Variants in DNAH3 observed in about 807,000 individuals in gnomAD.
DNAH3 encodes axonemal beta dynein heavy chain 3.
Under a neutral mutation model 432.5 loss-of-function variants are expected in DNAH3, and 332 were observed. The ratio of observed to expected loss-of-function variants is 0.77; its 90% CI spans 0.70 to 0.84. The LOEUF is 0.84. Ranked by LOEUF, DNAH3 falls within the 40% of genes least tolerant of loss-of-function variation. The probability of loss-of-function intolerance (pLI) is 0.00; values close to 1 mark genes in which losing one functional copy is unlikely to be tolerated. For synonymous variants in DNAH3, 1,956 were observed against 1,900.2 expected, an observed-to-expected ratio of 1.03 and a Z score of -0.76; for missense variants, 4,861 against 5,114.0, an observed-to-expected ratio of 0.95 and a Z score of 1.51.
chr16:21,053,350 TAG>T (rs1219978254), intron 28 of DNAH3, among the ~76,000 whole-genome samples: 2 of 152,122 alleles, frequency 1.3e-5, no homozygotes, highest in Admixed American at 6.6e-5. Flanking sequence ...GAAGAGGGTA[TAG>T]GGCAGGAGTA....
chr16:20,982,952 G>A (rs757501370), intron 48 of DNAH3, 66 bp from the exon 49 acceptor site: 11 of 1,584,062 alleles, frequency 6.9e-6, no homozygotes, highest in South Asian at 4.5e-5. Context: ...AGGCAGGCGG[G>A]TATTCCCAAG....
At chr16:21,085,621 T>C (rs1429139128) in intron 19 of DNAH3, among the ~76,000 whole-genome samples, 1 of 151,938 alleles carries the variant, frequency 6.6e-6, no homozygotes, top group Non-Finnish European at 1.5e-5. Context: ...AGGTCTCCAG[T>C]TCAAGACTTT....
rs114995565 is a variant in DNAH3 at position 21,152,314 on chromosome 16, A to T, written c.118-6226T>A. 2.8e-3 allele frequency among the ~76,000 whole-genome samples: 422 copies of T among 152,352 alleles called. 1 individual carries two copies. The highest frequency in any genetic ancestry group is 9.8e-3 in the African/African-American group (406 of 41,582). On this transcript the variant is annotated intron_variant, in intron 1 of 61. Transcript: ENST00000261383. ...CTTGACTCATAAGTAGCACTGATACAATTGGAACCTGTCCTGATGACCCCG... is the reference window on the plus strand; with the variant it reads ...CTTGACTCATAAGTAGCACTGATACTATTGGAACCTGTCCTGATGACCCCG...
At chr16:21,067,776 G>GGAGGGAGAGGGAGA (rs374291201) in intron 23 of DNAH3, among the ~76,000 whole-genome samples, 1 of 40,878 alleles carries the variant, frequency 2.4e-5, no homozygotes, top group Non-Finnish European at 4.2e-5. Context: ...GGGTGGGGAG[G>GGAGGGAGAGGGAGA]GAGAGAGAGA....
At chr16:21,088,211 A>T (rs939861028) in intron 18 of DNAH3, among the ~76,000 whole-genome samples, 3 of 152,212 alleles carry the variant, frequency 2.0e-5, no homozygotes, top group Non-Finnish European at 4.4e-5. Context: ...ATTAAAAAAA[A>T]GTATCCTTCA....
intron 44 of DNAH3, chr16:20,997,034 T>C (rs2086790870): frequency 2.3e-6 from 1 of 434,072 alleles, no homozygotes; most frequent in East Asian, 3.8e-5. Context: ...CACTGAACTC[T>C]CCTTTTCCTA....
chr16:21,058,815 C>G (rs2090231774), intron 26 of DNAH3, among the ~76,000 whole-genome samples: 5 of 150,124 alleles, frequency 3.3e-5, no homozygotes, highest in Admixed American at 2.7e-4. Flanking sequence ...AGGAGGAGAA[C>G]ATCACACACT....
At chr16:21,006,962 T>C (rs2087336353) in intron 41 of DNAH3, among the ~76,000 whole-genome samples, 1 of 152,196 alleles carries the variant, frequency 6.6e-6, no homozygotes, top group Admixed American at 6.5e-5. Context: ...TAAATTGGAT[T>C]GTGTTTAACT....
At chr16:21,148,773 G>C (rs1021800344) in intron 1 of DNAH3, among the ~76,000 whole-genome samples, 1 of 152,144 alleles carries the variant, frequency 6.6e-6, no homozygotes, top group Non-Finnish European at 1.5e-5. Flanking sequence ...CTGTCGATCA[G>C]GAACACATGG....
chr16:21,092,429 A>T (rs1264654213), intron 18 of DNAH3, among the ~76,000 whole-genome samples: 1 of 152,084 alleles, frequency 6.6e-6, no homozygotes, highest in Non-Finnish European at 1.5e-5. Context: ...ACACACAAAA[A>T]AAGAATCTAG....
intron 20 of DNAH3, among the ~76,000 whole-genome samples, chr16:21,078,941 C>A (rs1166862100): frequency 6.6e-6 from 1 of 152,208 alleles, no homozygotes; most frequent in Non-Finnish European, 1.5e-5. Flanking sequence ...TCTCCTAATC[C>A]TAACTCTAAT....
chr16:21,054,750 C>T (rs1472378674), intron 27 of DNAH3, among the ~76,000 whole-genome samples: 1 of 152,160 alleles, frequency 6.6e-6, no homozygotes, highest in Non-Finnish European at 1.5e-5. Context: ...TTTCATACTG[C>T]ATGATTTTAT....
exon 1 of DNAH3, chr16:21,159,348 C>T (rs759657387): frequency 6.2e-7 from 1 of 1,614,154 alleles, no homozygotes; most frequent in Non-Finnish European, 8.5e-7. Context: ...CCTTCCTCCT[C>T]TCCTTGGGTC....
chr16:20,955,080 G>A (rs374757918), intron 54 of DNAH3, 23 bp from the exon 55 acceptor site: 32 of 1,571,586 alleles, frequency 2.0e-5, no homozygotes, highest in Middle Eastern at 1.7e-4. Context: ...TGGACCCAAC[G>A]TTTTAGAGCA....
At chr16:21,064,119 A>G (rs373180278) in intron 24 of DNAH3, among the ~76,000 whole-genome samples, 2 of 152,210 alleles carry the variant, frequency 1.3e-5, no homozygotes, top group Admixed American at 1.3e-4. Flanking sequence ...TGCTTTGGCT[A>G]ATAGAATGTA....
Position 21,067,267 on chromosome 16 carries a change from G to T in DNAH3, c.3518+16C>A. 1 of 1,613,522 alleles carries T rather than the reference G, an allele frequency of 6.2e-7. No homozygotes were observed. Among genetic ancestry groups the T allele is most frequent in the Non-Finnish European group, 8.5e-7 (1 of 1,179,626 alleles). On this transcript the variant is annotated intron_variant, in intron 24 of 61. Coordinates refer to ENST00000261383, the Ensembl canonical transcript of DNAH3. ...GGCAAGAATGTAATTCCAAATAAAA[G>T]AACAATGCTGGATACCTGGGGAAGA...
At chr16:21,060,526 C>CTTTTTTTTTTTTTTTTTTTTTTT (rs375746116) in intron 25 of DNAH3, among the ~76,000 whole-genome samples, 170 bp from the exon 26 acceptor site, 1 of 93,414 alleles carries the variant, frequency 1.1e-5, no homozygotes, top group Admixed American at 1.4e-4. Context: ...TTTTTTTTTT[C>CTTTTTTTTTTTTTTTTTTTTTTT]TTTTTTTTTT....
chr16:20,960,321 G>C (rs1162904175), intron 53 of DNAH3, among the ~76,000 whole-genome samples: 1 of 152,106 alleles, frequency 6.6e-6, no homozygotes, highest in African/African-American at 2.4e-5. Flanking sequence ...ACTCATAAGA[G>C]GTGGGGAGCT....
At position 20,940,409 on chromosome 16, in the gene DNAH3, C is replaced by T. The variant is rs13338899; in HGVS notation, c.11654+992G>A. 5.4e-3 allele frequency among the ~76,000 whole-genome samples: 827 copies of T among 151,908 alleles called. 10 individuals are homozygous for T. Among genetic ancestry groups the T allele is most frequent in the African/African-American group, 0.019 (784 of 41,438 alleles). ...GCTGGTAGCAGGATTAGTAACTGGA[C>T]GTATTTCAAAAGACTATTGTGTAAT... On this transcript the variant is annotated intron_variant, in intron 59 of 61. Transcript: ENST00000261383.
Sources: allele counts gnomAD v4.1 joint callset (sites outside exome capture counted in the v4.1 genomes callset), GRCh38; gene constraint gnomAD v4.1.1; transcripts MANE v1.5; gene names NCBI Gene and HGNC (gene_info 2026-07-23, HGNC 2026-07-21).